The following LAMC3 variants were observed in gnomAD, a reference collection of about 807,000 sequenced individuals.
The protein encoded by LAMC3 is laminin subunit gamma 3.
In LAMC3, 128 loss-of-function variants were observed where a neutral mutation model predicts 173.8. The observed-to-expected ratio is 0.74, with a 90% CI of 0.64 to 0.85. LAMC3 has a LOEUF of 0.85. Among genes scored for constraint, LAMC3 ranks in the 40% least tolerant of loss-of-function variants. The pLI is 0.00. For missense variants in LAMC3, 2,022 were observed against 2,156.0 expected (o/e 0.94, Z 1.23); for synonymous variants, 897 against 909.1 (o/e 0.99, Z 0.24).
chr9:131,066,798 A>G (rs1483222724), intron 13 of LAMC3, among the ~76,000 whole-genome samples, 162 bp from the exon 14 acceptor site: 2 of 152,268 alleles, frequency 1.3e-5, no homozygotes. Context: ...GCTCAGGACC[A>G]CACAGCTGTG....
chr9:131,083,516 T>C (rs1830277704), intron 24 of LAMC3, among the ~76,000 whole-genome samples: 1 of 152,090 alleles, frequency 6.6e-6, no homozygotes, highest in Non-Finnish European at 1.5e-5. Context: ...ATTGATACGC[T>C]CTGCCAAGAG....
In LAMC3 at chr9:131,060,366, G is replaced by A. The variant is rs766906295; in HGVS notation, c.2159-669G>A. ...ATACAAAATAATAACAGTGCTGGCC[G>A]GGCACGGTGGCTCACACCTGTAATC... is the stretch of plus-strand genomic sequence containing the variant. On this transcript the variant is annotated intron_variant, in intron 12 of 27. Transcript: ENST00000361069. Among the ~76,000 whole-genome samples the A allele has an allele frequency of 2.0e-5, 3 of 152,134 alleles. No individual in the cohort carries two copies. The East Asian group carries it at 5.8e-4, about 29-fold the overall frequency.
At chr9:131,030,877 T>G (rs1157784541) in intron 2 of LAMC3, among the ~76,000 whole-genome samples, 1 of 152,204 alleles carries the variant, frequency 6.6e-6, no homozygotes, top group Admixed American at 6.5e-5. Flanking sequence ...GCTCCCCAGC[T>G]CCACCGCTGA....
chr9:131,019,351 A>G (rs562657688), intron 1 of LAMC3, among the ~76,000 whole-genome samples: 1 of 152,358 alleles, frequency 6.6e-6, no homozygotes, highest in East Asian at 1.9e-4. Flanking sequence ...GAATCCTTAT[A>G]GCTGAGCATG....
chr9:131,053,573 G>T (rs187240183), intron 11 of LAMC3, among the ~76,000 whole-genome samples: 2 of 152,150 alleles, frequency 1.3e-5, no homozygotes, highest in Non-Finnish European at 2.9e-5. Context: ...AGAAGCTCAC[G>T]CCTGTAATCC....
chr9:131,069,597 CT>C (rs891711238), intron 16 of LAMC3, 74 bp from the exon 17 acceptor site: 4 of 1,483,640 alleles, frequency 2.7e-6, no homozygotes, highest in South Asian at 1.2e-5. Context: ...CGCACTGCCC[CT>C]GGCCCCTCTA....
At chr9:131,014,798 C>T (rs1833490517) in intron 1 of LAMC3, among the ~76,000 whole-genome samples, 1 of 152,128 alleles carries the variant, frequency 6.6e-6, no homozygotes, top group South Asian at 2.1e-4. Flanking sequence ...AAAGTGAGAC[C>T]CTGTCTTTAC....
At chr9:131,082,911 G>T (rs1889749) in intron 24 of LAMC3, among the ~76,000 whole-genome samples, 93,051 of 152,048 alleles carry the variant, frequency 0.61, 29,883 homozygotes, top group African/African-American at 0.82. Flanking sequence ...GAGATGGAGC[G>T]CTAGCTGTGG....
chr9:131,078,906 C>G (rs963925995), intron 22 of LAMC3, among the ~76,000 whole-genome samples: 2 of 152,226 alleles, frequency 1.3e-5, no homozygotes, highest in Non-Finnish European at 2.9e-5. Context: ...TGGCTCCTCT[C>G]GCCCTGGGCC....
intron 1 of LAMC3, among the ~76,000 whole-genome samples, chr9:131,016,866 C>G (rs953689963): frequency 2.6e-5 from 4 of 152,202 alleles, no homozygotes; most frequent in African/African-American, 9.7e-5. Context: ...TTCCGTGTTT[C>G]TACATTTTCC....
chr9:131,075,746 G>T, intron 20 of LAMC3, 85 bp from the exon 21 acceptor site: 17 of 1,443,776 alleles, frequency 1.2e-5, no homozygotes, highest in Non-Finnish European at 1.6e-5. Context: ...GCAGCAGGAG[G>T]CCTGTGTAGT....
intron 3 of LAMC3, 113 bp from the exon 4 acceptor site, chr9:131,036,053 G>A: frequency 1.8e-6 from 2 of 1,108,770 alleles, no homozygotes; most frequent in Non-Finnish European, 1.4e-6. Context: ...TGAGGGCCAA[G>A]ATTGAGGGTG....
At chr9:131,018,711 G>A (rs1183901372) in intron 1 of LAMC3, among the ~76,000 whole-genome samples, 2 of 152,068 alleles carry the variant, frequency 1.3e-5, no homozygotes, top group African/African-American at 4.8e-5. Context: ...ATGCACCCCT[G>A]CTCATCCCAC....
intron 17 of LAMC3, 40 bp from the exon 18 acceptor site, chr9:131,071,444 G>A (rs1830033896): frequency 3.1e-6 from 5 of 1,605,006 alleles, no homozygotes; most frequent in Non-Finnish European, 3.4e-6. Context: ...GGACCTCCAT[G>A]CCACCAGCCT....
intron 1 of LAMC3, among the ~76,000 whole-genome samples, chr9:131,010,862 G>T (rs1833403820): frequency 6.6e-6 from 1 of 152,136 alleles, no homozygotes; most frequent in African/African-American, 2.4e-5. Context: ...CAGGGAGCTG[G>T]AATGCTCTCT....
chr9:131,017,249 G>A (rs1833538504), intron 1 of LAMC3, among the ~76,000 whole-genome samples: 1 of 152,210 alleles, frequency 6.6e-6, no homozygotes, highest in Admixed American at 6.5e-5. Flanking sequence ...GGGGAGCTTG[G>A]AGCCACTTGA....
At position 131,029,101 on chromosome 9, in the gene LAMC3, A is replaced by C. The variant is rs1484450408; in HGVS notation, c.678+2512A>C. 6.6e-6 allele frequency among the ~76,000 whole-genome samples: 1 copy of C among 152,184 alleles called. No homozygotes were observed. The highest frequency in any genetic ancestry group is 1.5e-5 in the Non-Finnish European group (1 of 68,032). ...CCCCACCGCAAATCACATCATCCGC[A>C]TAGACTACCTAGTGTGGCCCAAGGG... On this transcript the variant is annotated intron_variant, in intron 2 of 27. Coordinates refer to ENST00000361069, the MANE Select transcript of LAMC3 (RefSeq NM_006059.4). The surrounding 1 kb of genome is among the most constrained non-coding windows in gnomAD (Gnocchi z 4.6).
At chr9:131,066,858 C>G (rs1383428999) in intron 13 of LAMC3, 102 bp from the exon 14 acceptor site, 1 of 1,491,698 alleles carries the variant, frequency 6.7e-7, no homozygotes, top group African/African-American at 1.4e-5. Context: ...GCCCGTGCTG[C>G]TCCGGGGAAG....
Position 131,087,554 on chromosome 9 carries a change from C to A in LAMC3, c.4309C>A (p.Leu1437Ile). 1 of 1,613,944 alleles carries A rather than the reference C, an allele frequency of 6.2e-7. No individual in the cohort carries two copies. The highest frequency in any genetic ancestry group is 8.5e-7 in the Non-Finnish European group (1 of 1,180,010). The change falls in exon 26 of 28, where the codon CTC becomes ATC. Residue 1437 changes from leucine (L) to isoleucine (I), a missense_variant. Physicochemically the swap from Leu to Ile is conservative, Grantham distance 5 (BLOSUM62 2). Transcript: ENST00000361069. ...GCTCACCAGCCAGACGCAAGCCACGCTCCAACAGGCGTCCCAGCAGGTGCT... is the reference window on the plus strand; with the variant it reads ...GCTCACCAGCCAGACGCAAGCCACGATCCAACAGGCGTCCCAGCAGGTGCT... ...SRLTSQTQAT[L>I]QQASQQVLAS... is the part of the protein sequence containing the mutation.
Sources: gnomAD v4.1 joint callset for allele counts (sites outside exome capture counted in the v4.1 genomes callset) on GRCh38, gnomAD v4.1.1 for gene constraint, Gnocchi (gnomAD v3.1) non-coding constraint, MANE v1.5 for transcripts, NCBI Gene and HGNC (gene_info 2026-07-23, HGNC 2026-07-21) for gene names.